The following SLIT2 variants were observed in gnomAD, a reference collection of about 807,000 sequenced individuals.
The protein encoded by SLIT2 is slit guidance ligand 2.
Under a neutral mutation model 185.7 loss-of-function variants are expected in SLIT2, and 41 were observed. The observed-to-expected ratio is 0.22, with a 90% confidence interval of 0.17 to 0.29. The LOEUF (loss-of-function observed/expected upper bound fraction) is 0.29, where lower values mean the gene tolerates loss of function less well. Ranked by LOEUF, SLIT2 falls within the 10% of genes least tolerant of loss-of-function variation. SLIT2 has a pLI of 1.00. For synonymous variants in SLIT2, 693 were observed against 680.2 expected, an observed-to-expected ratio of 1.02 and a Z score of -0.29; for missense variants, 1,571 against 1,909.0, an observed-to-expected ratio of 0.82 and a Z score of 3.30.
At chr4:20,471,517 G>T (rs150573628) in intron 5 of SLIT2, among the ~76,000 whole-genome samples, 60 of 152,188 alleles carry the variant, frequency 3.9e-4, no homozygotes, top group African/African-American at 1.4e-3. Context: ...TGCCATTGTG[G>T]CTACTGTTCA....
chr4:20,462,035 A>G (rs1023658963), intron 4 of SLIT2, among the ~76,000 whole-genome samples: 1 of 151,908 alleles, frequency 6.6e-6, no homozygotes, highest in Non-Finnish European at 1.5e-5. Context: ...TAGAAGGGGG[A>G]GGGTCTAAAA....
chr4:20,562,127 C>A (rs1560197060), intron 26 of SLIT2, among the ~76,000 whole-genome samples: 1 of 151,726 alleles, frequency 6.6e-6, no homozygotes, highest in East Asian at 1.9e-4. Context: ...AGGATTTTAA[C>A]CTCTGTCATC....
At chr4:20,580,363 T>A (rs1340676412) in intron 29 of SLIT2, among the ~76,000 whole-genome samples, 1 of 150,788 alleles carries the variant, frequency 6.6e-6, no homozygotes, top group African/African-American at 2.4e-5. Context: ...AATAAAACAC[T>A]TTCAGGATTA....
chr4:20,298,279 G>T (rs1716693520), intron 4 of SLIT2, among the ~76,000 whole-genome samples: 1 of 151,878 alleles, frequency 6.6e-6, no homozygotes, highest in African/African-American at 2.4e-5. Flanking sequence ...AGTAGAGACG[G>T]GGTTTCTCCT....
chr4:20,563,247 C>T lies in SLIT2; in HGVS notation c.2726-4015C>T, dbSNP rs1333358969. 4.6e-5 allele frequency among the ~76,000 whole-genome samples: 7 copies of T among 151,910 alleles called. No homozygotes were observed. The East Asian group carries it at 7.7e-4, about 17-fold the overall frequency. ...AATCTTAAATCAATCCAGTTCACCTCGACTGTTCTCCTTCATTTTAGTGAT... is the reference window on the plus strand; with the variant it reads ...AATCTTAAATCAATCCAGTTCACCTTGACTGTTCTCCTTCATTTTAGTGAT... On this transcript the variant is annotated intron_variant, in intron 26 of 36. Transcript: ENST00000504154.
At chr4:20,568,231 G>A (rs546908444) in intron 28 of SLIT2, among the ~76,000 whole-genome samples, 16 of 152,120 alleles carry the variant, frequency 1.1e-4, no homozygotes, top group African/African-American at 3.9e-4. Context: ...TCACTTTTTA[G>A]AAGAAATAGA....
At chr4:20,461,394 G>A (rs1432806431) in intron 4 of SLIT2, among the ~76,000 whole-genome samples, 1 of 152,094 alleles carries the variant, frequency 6.6e-6, no homozygotes, top group Non-Finnish European at 1.5e-5. Context: ...TGAAAGAAAG[G>A]ATAAAAATAG....
chr4:20,260,696 G>GT (rs1392789275), intron 3 of SLIT2, among the ~76,000 whole-genome samples: 1 of 151,750 alleles, frequency 6.6e-6, no homozygotes, highest in African/African-American at 2.4e-5. Context: ...GCAAGAAACA[G>GT]TCATGTTGTT....
At chr4:20,581,003 A>G (rs1726514817) in intron 29 of SLIT2, among the ~76,000 whole-genome samples, 1 of 152,220 alleles carries the variant, frequency 6.6e-6, no homozygotes, top group Non-Finnish European at 1.5e-5. Flanking sequence ...TGAAAGTTTT[A>G]TTCCCCGCTG....
intron 11 of SLIT2, among the ~76,000 whole-genome samples, chr4:20,511,432 T>C (rs1367587840): frequency 7.0e-6 from 1 of 143,550 alleles, no homozygotes; most frequent in African/African-American, 2.6e-5. Flanking sequence ...TTTTTTTTTT[T>C]TTTTTTTGAG....
chr4:20,571,821 A>G (rs1159740928), intron 29 of SLIT2, among the ~76,000 whole-genome samples: 1 of 152,200 alleles, frequency 6.6e-6, no homozygotes, highest in East Asian at 1.9e-4. Flanking sequence ...ACTCTGTTTA[A>G]TAAGAACAAA....
intron 33 of SLIT2, among the ~76,000 whole-genome samples, chr4:20,600,183 C>T (rs1728298174): frequency 6.6e-6 from 1 of 151,636 alleles, no homozygotes; most frequent in Admixed American, 6.6e-5. Flanking sequence ...TGTAATGGTG[C>T]AGCACAGAAC....
At chr4:20,410,672 G>A (rs567121092) in intron 4 of SLIT2, among the ~76,000 whole-genome samples, 1 of 152,160 alleles carries the variant, frequency 6.6e-6, no homozygotes, top group East Asian at 1.9e-4. Context: ...ATTAAATAGG[G>A]AATTCTTTCC....
intron 4 of SLIT2, among the ~76,000 whole-genome samples, chr4:20,467,499 T>C (rs1480305705): frequency 1.3e-5 from 2 of 152,054 alleles, no homozygotes; most frequent in Non-Finnish European, 2.9e-5. Context: ...ACGAGTACCA[T>C]ATTTTATAGT....
At chr4:20,589,313 A>G (rs28586967) in intron 29 of SLIT2, among the ~76,000 whole-genome samples, 5,108 of 152,234 alleles carry the variant, frequency 0.034, 293 homozygotes, top group African/African-American at 0.11. Flanking sequence ...GCTATATATC[A>G]AGAAAAAAAA....
intron 4 of SLIT2, among the ~76,000 whole-genome samples, chr4:20,273,452 A>C (rs1352985935): frequency 6.6e-6 from 1 of 152,080 alleles, no homozygotes; most frequent in Admixed American, 6.6e-5. Context: ...AGAAGCTCTC[A>C]TCAAGTGTTT....
chr4:20,546,761 A>G (rs1264872737), intron 22 of SLIT2, among the ~76,000 whole-genome samples: 3 of 152,088 alleles, frequency 2.0e-5, no homozygotes, highest in African/African-American at 4.8e-5. Flanking sequence ...ATATACAAAC[A>G]TTTGATCTAG....
chr4:20,492,313 G>T (rs563879521), intron 9 of SLIT2, among the ~76,000 whole-genome samples: 1 of 152,288 alleles, frequency 6.6e-6, no homozygotes, highest in Non-Finnish European at 1.5e-5. Flanking sequence ...TGTTTTAAAA[G>T]GCAGTTTCAC....
At chr4:20,266,246 T>C (rs1300302585) in intron 3 of SLIT2, among the ~76,000 whole-genome samples, 1 of 151,922 alleles carries the variant, frequency 6.6e-6, no homozygotes. Context: ...TATGAAACTA[T>C]ACTGATGTAG....
Sources: gnomAD v4.1 joint callset for allele counts (sites outside exome capture counted in the v4.1 genomes callset) on GRCh38, gnomAD v4.1.1 for gene constraint, MANE v1.5 for transcripts, NCBI Gene and HGNC (gene_info 2026-07-23, HGNC 2026-07-21) for gene names.